Variants in ABCA3 observed in about 807,000 individuals in gnomAD.
ABCA3 encodes the protein ATP binding cassette subfamily A member 3, also known as phospholipid-transporting ATPase ABCA3.
Under a neutral mutation model 172.8 loss-of-function variants are expected in ABCA3, and 88 were observed. That is an observed-to-expected ratio of 0.51 (90% confidence interval 0.43 to 0.61). The LOEUF (loss-of-function observed/expected upper bound fraction) is 0.61. ABCA3 is among the 20% of genes least tolerant of loss of function. The probability of loss-of-function intolerance (pLI) is 0.00; values close to 1 mark genes in which losing one functional copy is unlikely to be tolerated. For synonymous variants in ABCA3, 1,066 were observed against 983.8 expected (o/e 1.08, Z -1.56); for missense variants, 2,164 against 2,301.0 (o/e 0.94, Z 1.22).
chr16:2,322,991 A>G (rs1368042667), intron 7 of ABCA3, among the ~76,000 whole-genome samples: 2 of 152,230 alleles, frequency 1.3e-5, no homozygotes, highest in African/African-American at 2.4e-5. Context: ...AAAAGTGGGC[A>G]AAGGATATGA....
At chr16:2,325,893 T>A in intron 5 of ABCA3, 117 bp downstream of exon 5, 1 of 1,442,436 alleles carries the variant, frequency 6.9e-7, no homozygotes, top group East Asian at 2.3e-5. Context: ...AGAGGCCAAG[T>A]CTGCACAGGG....
chr16:2,294,034 C>T (rs2093676099), intron 18 of ABCA3, among the ~76,000 whole-genome samples: 1 of 147,664 alleles, frequency 6.8e-6, no homozygotes, highest in African/African-American at 2.5e-5. Flanking sequence ...GATGGAGTCT[C>T]CCTCTGTCAC....
rs532847219 is a variant in ABCA3 at position 2,281,216 on chromosome 16, G to A, written c.4170C>T (p.Tyr1390=). ...CGGCCAGGAGGGGCACCCGCTGCTCGTACACCTGCAGGCACCCAACAGAAA... is the reference window on the plus strand; with the variant it reads ...CGGCCAGGAGGGGCACCCGCTGCTCATACACCTGCAGGCACCCAACAGAAA... ...PLIIKELSKV[Y]EQRVPLLAVD... is the part of the protein sequence containing the mutation. Residue 1390 remains tyrosine (Y), a synonymous_variant, in exon 28 of 33, where the codon TAC becomes TAT. Coordinates refer to ENST00000301732, the MANE Select transcript of ABCA3 (RefSeq NM_001089.3). This position sits in a 1 kb window ranked among gnomAD's most constrained non-coding sequence, Gnocchi z 4.7. The A allele has an allele frequency of 1.5e-5, 24 of 1,613,480 alleles. No individual in the cohort carries two copies. Among genetic ancestry groups the A allele is most frequent in the Admixed American group, 8.3e-5 (5 of 60,020 alleles).
rs143887432 is a variant in ABCA3 at position 2,278,370 on chromosome 16, C to T, written c.4636G>A (p.Asp1546Asn). ...IFLDEPSTGM[D>N]PVARRLLWDT... ...CAAAGCAGGCGCCGGGCCACGGGGT[C>T]CATGCCAGTGGACGGCTCGTCCAGG... Residue 1546 changes from aspartate to asparagine, a missense_variant, in exon 30 of 33, where the codon GAC becomes AAC. This residue lies in a region of ABCA3 where 795 missense variants were observed against 881.9 expected (regional missense o/e 0.90). Transcript: ENST00000301732. The surrounding 1 kb of genome is among the most constrained non-coding windows in gnomAD (Gnocchi z 4.4). 1 of 1,612,602 alleles carries T rather than the reference C, an allele frequency of 6.2e-7. No individual in the cohort carries two copies. The highest frequency in any genetic ancestry group is 8.5e-7 in the Non-Finnish European group (1 of 1,180,004).
intron 14 of ABCA3, 21 bp from the exon 15 acceptor site, chr16:2,298,561 C>A (rs751185212): frequency 2.5e-6 from 4 of 1,611,666 alleles, no homozygotes; most frequent in Non-Finnish European, 3.4e-6. Flanking sequence ...GCAGGAGACC[C>A]CACATTCAGC....
intron 3 of ABCA3, among the ~76,000 whole-genome samples, 196 bp downstream of exon 3, chr16:2,328,257 T>C (rs971831658): frequency 6.6e-6 from 1 of 151,962 alleles, no homozygotes; most frequent in African/African-American, 2.4e-5. Context: ...AGGCTGGGTG[T>C]GGTGGCTCAT....
chr16:2,316,349 G>T lies in ABCA3; in HGVS notation c.1111+934C>A, dbSNP rs577295463. ...GAAAAAAGAAAAGAAAAAAAGAAAA[G>T]AAAAAAAAAAAAAGGCCAAGCGCAG... On this transcript the variant is annotated intron_variant, in intron 10 of 32. Transcript: ENST00000301732. 7.6e-3 allele frequency among the ~76,000 whole-genome samples: 682 copies of T among 90,250 alleles called. 3 individuals are homozygous for T. The highest frequency in any genetic ancestry group is 0.013 in the Non-Finnish European group (550 of 42,662). The allele number at this position is 90,250 out of a possible 152,430, so 59.2% of individuals were successfully genotyped here. A position where few individuals can be genotyped will look rare whatever the true frequency, so the allele number is the denominator to read the frequency against.
chr16:2,306,392 T>C (rs893812001), intron 11 of ABCA3, among the ~76,000 whole-genome samples: 1 of 152,238 alleles, frequency 6.6e-6, no homozygotes, highest in East Asian at 1.9e-4. Context: ...CGAGTAAACA[T>C]GGAAACACAG....
chr16:2,333,688 TC>T (rs1404123337), intron 1 of ABCA3, among the ~76,000 whole-genome samples: 3 of 149,076 alleles, frequency 2.0e-5, no homozygotes, highest in Non-Finnish European at 4.4e-5. Context: ...AAAATAACAT[TC>T]TTTTTTTTTT....
intron 1 of ABCA3, chr16:2,332,801 C>T (rs1410223757): frequency 4.6e-6 from 3 of 653,150 alleles, no homozygotes; most frequent in Middle Eastern, 4.2e-4. Context: ...ATTTGCCACC[C>T]AATTCCTATG....
Position 2,328,469 on chromosome 16 carries a change from T to G in ABCA3, c.-43A>C, listed in dbSNP as rs778125207. On this transcript the variant is annotated 5_prime_UTR_variant, in exon 3 of 33. Transcript: ENST00000301732. ...GCTGCTAACCTGCTAGAGAAGTAGG[T>G]GGTCTGAGTAAGTTCAAGTAGGCGC... is the stretch of plus-strand genomic sequence containing the variant. 1 of 507,446 alleles carries G rather than the reference T, an allele frequency of 2.0e-6. No individual in the cohort carries two copies. The highest frequency in any genetic ancestry group is 3.9e-6 in the Non-Finnish European group (1 of 254,626). The allele number at this position is 507,446 out of a possible 1,614,324, so 31.4% of individuals were successfully genotyped here.
chr16:2,334,098 C>T (rs2093747711), intron 1 of ABCA3, among the ~76,000 whole-genome samples: 1 of 152,072 alleles, frequency 6.6e-6, no homozygotes, highest in Non-Finnish European at 1.5e-5. Flanking sequence ...CAGGAGAAGA[C>T]AGGAATTAAT....
intron 10 of ABCA3, among the ~76,000 whole-genome samples, chr16:2,315,527 T>C (rs1596858167): frequency 6.6e-6 from 1 of 151,880 alleles, no homozygotes; most frequent in East Asian, 1.9e-4. Flanking sequence ...CACTTACCAA[T>C]GCCCACTAGA....
Position 2,285,139 on chromosome 16 carries a change from T to C in ABCA3, c.3484-141A>G. On this transcript the variant is annotated intron_variant, in intron 23 of 32. Coordinates refer to ENST00000301732, the MANE Select transcript of ABCA3 (RefSeq NM_001089.3). This position sits in a 1 kb window ranked among gnomAD's most constrained non-coding sequence, Gnocchi z 4.7. ...ATGTCCATCAGCCCCACAGGCCACG[T>C]CTGGCCCCCGCGGTGGCTTTCAGCC... The C allele has an allele frequency of 9.9e-7, 1 of 1,007,712 alleles. No homozygotes were observed. The highest frequency in any genetic ancestry group is 1.5e-6 in the Non-Finnish European group (1 of 668,642). The allele number at this position is 1,007,712 out of a possible 1,614,324, so 62.4% of individuals were successfully genotyped here.
At chr16:2,288,546 C>A (rs1241916306) in intron 20 of ABCA3, among the ~76,000 whole-genome samples, 3 of 152,124 alleles carry the variant, frequency 2.0e-5, no homozygotes, top group East Asian at 1.9e-4. Context: ...CTCCATGGGG[C>A]CCTGCACGTT....
chr16:2,312,520 T>C (rs2093708138), intron 10 of ABCA3, among the ~76,000 whole-genome samples: 1 of 147,990 alleles, frequency 6.8e-6, no homozygotes, highest in Non-Finnish European at 1.5e-5. Flanking sequence ...ATGAGTGAAA[T>C]TGGCATTTTT....
In ABCA3 at chr16:2,323,682, A is replaced by G; in HGVS notation, c.454T>C (p.Tyr152His). 6.2e-7 allele frequency: 1 copy of G among 1,614,064 alleles called. No individual in the cohort carries two copies. Among genetic ancestry groups the G allele is most frequent in the Non-Finnish European group, 8.5e-7 (1 of 1,180,008 alleles). Residue 152 changes from tyrosine to histidine, a missense_variant, in exon 7 of 33, where the codon TAT (tyrosine) becomes CAT (histidine). Physicochemically the swap from Tyr to His is moderately conservative, Grantham distance 83. Transcript: ENST00000301732. ...CGTGTGTAACTGAACCGTAGGTGAT[A>G]TTTCACCTGTGGAAACAAAGAGAAA... ...SKEPLPLAVK[Y>H]HLRFSYTRRN...
chr16:2,334,283 G>A (rs1230846521), intron 1 of ABCA3, among the ~76,000 whole-genome samples: 1 of 152,136 alleles, frequency 6.6e-6, no homozygotes, highest in Non-Finnish European at 1.5e-5. Context: ...GCAGTGCAGA[G>A]AATGAGCCAG....
intron 1 of ABCA3, among the ~76,000 whole-genome samples, chr16:2,340,296 C>T (rs1315244262): frequency 2.0e-5 from 3 of 152,066 alleles, no homozygotes; most frequent in Non-Finnish European, 4.4e-5. Flanking sequence ...GGCTCAGGCA[C>T]TGCCCGCAGT....
Sources: gnomAD v4.1 joint callset for allele counts (sites outside exome capture counted in the v4.1 genomes callset) on GRCh38, gnomAD v4.1.1 for gene constraint, gnomAD v4.1.1 regional missense constraint, Gnocchi (gnomAD v3.1) non-coding constraint, MANE v1.5 for transcripts, NCBI Gene and HGNC (gene_info 2026-07-23, HGNC 2026-07-21) for gene names.